ZNF3: variants seen among roughly 807,000 people sequenced by gnomAD.
ZNF3 encodes the protein zinc finger protein 3.
A neutral mutation model predicts 36.9 loss-of-function variants in ZNF3; 16 were observed. That is an observed-to-expected ratio of 0.43 (90% CI 0.29 to 0.66). The LOEUF (loss-of-function observed/expected upper bound fraction) is 0.66, where lower values mean the gene tolerates loss of function less well. Ranked by LOEUF, ZNF3 falls within the 30% of genes least tolerant of loss-of-function variation. The pLI, the probability that ZNF3 is intolerant of heterozygous loss-of-function variation, is 0.13. For synonymous variants in ZNF3, 201 were observed against 201.9 expected (o/e 1.00, Z 0.04); for missense variants, 462 against 543.1 (o/e 0.85, Z 1.48).
Position 100,071,989 on chromosome 7 carries a change from G to A in ZNF3, c.495C>T (p.Thr165=). The A allele has an allele frequency of 5.0e-6, 8 of 1,614,054 alleles. No individual in the cohort carries two copies. Among genetic ancestry groups the A allele is most frequent in the Non-Finnish European group, 6.8e-6 (8 of 1,179,998 alleles). The part of the protein sequence containing the change: ...FGQVTVEEKL[T]PRGERSEKYN... ...ATTTCTCGCTTCTCTCTCCCCTGGG[G>A]GTTAGCTTCTCCTCAACTGTCACTT... Residue 165 remains threonine (T), a synonymous_variant, in exon 6 of 6, where the codon ACC becomes ACT. Coordinates refer to ENST00000299667, the MANE Select transcript of ZNF3 (RefSeq NM_032924.5).
At position 100,075,608 on chromosome 7, in the gene ZNF3, G is replaced by T. The variant is rs1433927159; in HGVS notation, c.78C>A (p.Ala26=). 1 of 1,614,020 alleles carries T rather than the reference G, an allele frequency of 6.2e-7. No individual in the cohort carries two copies. The highest frequency in any genetic ancestry group is 8.5e-7 in the Non-Finnish European group (1 of 1,180,028). The change falls in exon 4 of 6, where the codon GCC becomes GCA. Residue 26 remains alanine, a synonymous_variant. Coordinates refer to ENST00000299667, the MANE Select transcript of ZNF3 (RefSeq NM_032924.5). The part of the protein sequence containing the change: ...LDSALPSKVP[A]FSDKDSLGDE... ...CCCCCAGGCTGTCCTTGTCGGAAAA[G>T]GCAGGAACTTTTGAAGGAAGAGCTG... is the stretch of plus-strand genomic sequence containing the variant.
intron 1 of ZNF3, among the ~76,000 whole-genome samples, chr7:100,080,663 A>C (rs1297522790): frequency 6.6e-6 from 1 of 152,130 alleles, no homozygotes; most frequent in African/African-American, 2.4e-5. Context: ...AATACAAAAA[A>C]TTCGCCGGAG....
chr7:100,067,741 C>T (rs908361461), downstream of ZNF3, among the ~76,000 whole-genome samples: 3 of 152,166 alleles, frequency 2.0e-5, no homozygotes, highest in African/African-American at 4.8e-5. Context: ...AGCCAGGCAA[C>T]GCTGACACAG....
chr7:100,078,704 CAA>C (rs1295161437), intron 2 of ZNF3: 1 of 152,018 alleles, frequency 6.6e-6, no homozygotes, highest in South Asian at 2.1e-4. Context: ...CAAAACAAAA[CAA>C]AACAAACCAA....
chr7:100,075,427 G>T, intron 4 of ZNF3, 115 bp downstream of exon 4: 1 of 1,507,658 alleles, frequency 6.6e-7, no homozygotes, highest in Non-Finnish European at 9.2e-7. Flanking sequence ...GAGGGTCCAT[G>T]ATTCAGCAGG....
chr7:100,070,291 G>A lies in ZNF3; in HGVS notation c.*852C>T. On this transcript the variant is annotated 3_prime_UTR_variant, in exon 6 of 6. Transcript: ENST00000299667. The stretch of plus-strand genomic sequence containing the variant: ...TGGGTGTCAGAGGTGAGAGGGCAGG[G>A]CAAGCAGGCCAAGTGAGCTCCTTGA... 1.0e-6 allele frequency: 1 copy of A among 985,680 alleles called. No homozygotes were observed. The highest frequency in any genetic ancestry group is 1.2e-6 in the Non-Finnish European group (1 of 830,114). 61.1% of individuals were successfully genotyped at this position (985,680 alleles called of 1,614,324 possible). A position where few individuals can be genotyped will look rare whatever the true frequency, so the allele number is the denominator to read the frequency against.
At position 100,071,186 on chromosome 7, in the gene ZNF3, G is replaced by C. The variant is rs199572990; in HGVS notation, c.1298C>G (p.Ser433Cys). Residue 433 changes from serine (S) to cysteine (C), a missense_variant, in exon 6 of 6, where the codon TCC becomes TGC. Transcript: ENST00000299667. Reference protein sequence around the residue: ...PLNGIGMSKSSLRVTTELNIR... With the variant: ...PLNGIGMSKSCLRVTTELNIR... ...ATTTAACTCGGTCGTAACTCTGAGG[G>C]AGCTTTTGCTCATGCCGATCCCATT... The C allele has an allele frequency of 6.2e-7, 1 of 1,609,908 alleles. No individual in the cohort carries two copies. Among genetic ancestry groups the C allele is most frequent in the Non-Finnish European group, 8.5e-7 (1 of 1,177,576 alleles).
chr7:100,075,137 A>C lies in ZNF3; in HGVS notation c.269T>G (p.Leu90Arg), dbSNP rs759321409. Residue 90 changes from leucine to arginine, a missense_variant and splice_region_variant, in exon 5 of 6, where the codon CTG becomes CGG. Coordinates refer to ENST00000299667, the MANE Select transcript of ZNF3 (RefSeq NM_032924.5). Reference protein sequence around the residue: ...MLENYGNVFSLDRETRTENDQ... With the variant: ...MLENYGNVFSRDRETRTENDQ... The stretch of plus-strand genomic sequence containing the variant: ...GTTGACAAGGCATAACTCCTTACCC[A>C]GTGAGAACACATTCCCGTAATTCTC... The C allele has an allele frequency of 6.2e-7, 1 of 1,606,904 alleles. No homozygotes were observed. Among genetic ancestry groups the C allele is most frequent in the African/African-American group, 1.3e-5 (1 of 74,750 alleles).
At chr7:100,065,077 G>C, downstream of ZNF3, 2 of 981,628 alleles carry the variant, frequency 2.0e-6, no homozygotes, top group Non-Finnish European at 2.9e-6. Context: ...TGATGTGTTG[G>C]TTATTGAATA....
rs139858171 is a variant in ZNF3, at chr7:100,076,766, C to T, written c.55+537G>A. On this transcript the variant is annotated intron_variant, in intron 3 of 5. Coordinates refer to ENST00000299667, the MANE Select transcript of ZNF3 (RefSeq NM_032924.5). ...ATGATTGACACGGTTTCATTAATCT[C>T]GCGTGAGGTACTCACAACCCCTCAA... Among the ~76,000 whole-genome samples the T allele has an allele frequency of 7.5e-3, 1,141 of 152,260 alleles. 13 individuals carry two copies. The highest frequency in any genetic ancestry group is 0.026 in the African/African-American group (1,089 of 41,528).
At chr7:100,082,137 C>G (rs564034691), upstream of ZNF3, among the ~76,000 whole-genome samples, 12 of 152,342 alleles carry the variant, frequency 7.9e-5, no homozygotes, top group African/African-American at 2.9e-4. Context: ...AAAATGAACC[C>G]TGATTTAAAA....
chr7:100,063,961 G>A (rs1437108478), downstream of ZNF3: 4 of 1,614,048 alleles, frequency 2.5e-6, no homozygotes, highest in African/African-American at 2.7e-5. Context: ...CCCTCTTCAA[G>A]AGGCAGGCTC....
chr7:100,069,209 T>C (rs1309974430), downstream of ZNF3, among the ~76,000 whole-genome samples: 1 of 152,034 alleles, frequency 6.6e-6, no homozygotes, highest in Non-Finnish European at 1.5e-5. Flanking sequence ...TCTACTGCCT[T>C]GGCCTCCCTA....
At chr7:100,077,621 A>T (rs1291735960) in intron 2 of ZNF3, 188 bp from the exon 3 acceptor site, 6 of 361,570 alleles carry the variant, frequency 1.7e-5, no homozygotes, top group Non-Finnish European at 2.8e-5. Context: ...GGGTCTCGCT[A>T]TATTGCCCAG....
intron 3 of ZNF3, among the ~76,000 whole-genome samples, chr7:100,076,359 C>T (rs1370207137): frequency 6.6e-6 from 1 of 151,446 alleles, no homozygotes; most frequent in African/African-American, 2.4e-5. Context: ...GTGGCGTGAT[C>T]TCGGCTCACT....
chr7:100,073,154 G>A (rs1793487180), intron 5 of ZNF3, among the ~76,000 whole-genome samples: 1 of 152,048 alleles, frequency 6.6e-6, no homozygotes. Flanking sequence ...AGGTTTATCT[G>A]CTCACCCTGA....
intron 5 of ZNF3, 120 bp from the exon 6 acceptor site, chr7:100,072,332 C>A (rs1029662562): frequency 3.2e-6 from 3 of 928,520 alleles, no homozygotes; most frequent in Admixed American, 5.7e-5. Context: ...ACAAAGAGGC[C>A]TGCCCCACAT....
chr7:100,076,616 T>C lies in ZNF3; in HGVS notation c.55+687A>G, dbSNP rs188309703. Reference sequence around the variant, plus strand: ...CGCAAAGTATACTTTAGTGGCTTCCTATTCACTCTGTCTTTTTGTCTATGA... The same window carrying C: ...CGCAAAGTATACTTTAGTGGCTTCCCATTCACTCTGTCTTTTTGTCTATGA... On this transcript the variant is annotated intron_variant, in intron 3 of 5. Coordinates refer to ENST00000299667, the MANE Select transcript of ZNF3 (RefSeq NM_032924.5). Among the ~76,000 whole-genome samples the C allele has an allele frequency of 2.5e-3, 380 of 152,282 alleles. 2 individuals are homozygous for C. The highest frequency in any genetic ancestry group is 8.9e-3 in the African/African-American group (369 of 41,560).
intron 1 of ZNF3, among the ~76,000 whole-genome samples, chr7:100,080,155 A>G (rs1464885241): frequency 6.6e-6 from 1 of 152,194 alleles, no homozygotes; most frequent in South Asian, 2.1e-4. Context: ...TCTCAGGTCC[A>G]CCTCCACCCA....
Sources: gnomAD v4.1 joint callset for allele counts (sites outside exome capture counted in the v4.1 genomes callset) on GRCh38, gnomAD v4.1.1 for gene constraint, MANE v1.5 for transcripts, NCBI Gene and HGNC (gene_info 2026-07-23, HGNC 2026-07-21) for gene names.